Variants in TSPEAR observed in about 807,000 individuals in gnomAD.
TSPEAR encodes thrombospondin-type laminin G domain and EAR repeat-containing protein.
Under a neutral mutation model 71.6 loss-of-function variants are expected in TSPEAR, and 69 were observed. The observed-to-expected ratio is 0.96, with a 90% CI of 0.79 to 1.18. TSPEAR has a LOEUF of 1.18. TSPEAR is among the 50% of genes most tolerant of loss of function. The probability of loss-of-function intolerance (pLI) is 0.00; values close to 1 mark genes in which losing one functional copy is unlikely to be tolerated. For synonymous variants in TSPEAR, 402 were observed against 387.2 expected (o/e 1.04, Z -0.45); for missense variants, 971 against 894.9 (o/e 1.09, Z -1.09).
chr21:44,584,054 C>A (rs782415969), intron 1 of TSPEAR, among the ~76,000 whole-genome samples: 4 of 152,142 alleles, frequency 2.6e-5, no homozygotes, highest in Non-Finnish European at 5.9e-5. Flanking sequence ...TATTAATAAT[C>A]GCTGAAAGGA....
At chr21:44,568,329 G>C (rs587637046) in intron 1 of TSPEAR, among the ~76,000 whole-genome samples, 1 of 152,196 alleles carries the variant, frequency 6.6e-6, no homozygotes, top group African/African-American at 2.4e-5. Context: ...TGTGCGGGAC[G>C]AAGGAAGGAA....
chr21:44,597,493 T>G (rs1230693742), intron 1 of TSPEAR, among the ~76,000 whole-genome samples: 1 of 150,676 alleles, frequency 6.6e-6, no homozygotes, highest in Non-Finnish European at 1.5e-5. Context: ...AGGGCAGTGG[T>G]GCGATCTCGG....
chr21:44,516,929 C>G (rs1555913519), intron 9 of TSPEAR, among the ~76,000 whole-genome samples: 1 of 152,208 alleles, frequency 6.6e-6, no homozygotes, highest in African/African-American at 2.4e-5. Context: ...GCTCCCAGCT[C>G]TCCCATCTTC....
chr21:44,603,646 G>C (rs1292039841), intron 1 of TSPEAR, among the ~76,000 whole-genome samples: 5 of 152,168 alleles, frequency 3.3e-5, no homozygotes, highest in African/African-American at 1.2e-4. Flanking sequence ...AGAACCTCCT[G>C]CAAGAGGAAG....
At chr21:44,707,093 T>G (rs1418032203) in intron 1 of TSPEAR, among the ~76,000 whole-genome samples, 1 of 152,150 alleles carries the variant, frequency 6.6e-6, no homozygotes, top group African/African-American at 2.4e-5. Context: ...TCGCCTCCAT[T>G]TATCAGTTGT....
At chr21:44,706,882 C>T (rs1484951650) in intron 1 of TSPEAR, among the ~76,000 whole-genome samples, 6 of 152,342 alleles carry the variant, frequency 3.9e-5, no homozygotes, top group African/African-American at 1.4e-4. Flanking sequence ...GGGCCAAAGC[C>T]AACCCCAAGC....
intron 9 of TSPEAR, among the ~76,000 whole-genome samples, chr21:44,512,264 C>T (rs1177685648): frequency 7.2e-6 from 1 of 138,350 alleles, no homozygotes; most frequent in Non-Finnish European, 1.5e-5. Flanking sequence ...ACGAGGAGGT[C>T]AGATGTATGT....
chr21:44,616,055 C>T (rs1429083681), intron 1 of TSPEAR, among the ~76,000 whole-genome samples: 4 of 152,182 alleles, frequency 2.6e-5, no homozygotes, highest in South Asian at 2.1e-4. Flanking sequence ...ACCACCCCAT[C>T]GGCACAGACA....
chr21:44,676,859 G>T, intron 1 of TSPEAR: 1 of 946,300 alleles, frequency 1.1e-6, no homozygotes, highest in Non-Finnish European at 1.7e-6. Flanking sequence ...GTGATGTGCT[G>T]CTTTTCTGTG....
chr21:44,658,851 G>C (rs1555943125), intron 1 of TSPEAR, among the ~76,000 whole-genome samples: 1 of 152,140 alleles, frequency 6.6e-6, no homozygotes, highest in African/African-American at 2.4e-5. Flanking sequence ...TCCAGATGGA[G>C]CGTGTTGGGG....
chr21:44,558,632 C>G (rs781969553), intron 2 of TSPEAR: 2 of 1,612,868 alleles, frequency 1.2e-6, no homozygotes, highest in Non-Finnish European at 1.7e-6. Context: ...AGCAGGGGGG[C>G]TCACAGCAGC....
chr21:44,532,833 G>A (rs1203089108), intron 3 of TSPEAR, among the ~76,000 whole-genome samples: 1 of 152,188 alleles, frequency 6.6e-6, no homozygotes, highest in Non-Finnish European at 1.5e-5. Context: ...GCTTCCAAAA[G>A]CCCCCATTGT....
intron 1 of TSPEAR, among the ~76,000 whole-genome samples, chr21:44,707,540 G>T (rs535047984): frequency 6.6e-5 from 10 of 152,290 alleles, no homozygotes; most frequent in African/African-American, 2.2e-4. Context: ...GAGTGTGTGG[G>T]GCTCAGCCCT....
chr21:44,710,199 A>ACAAGCTGACTTGGCTCT lies in TSPEAR; in HGVS notation c.82+1217_82+1233dup, dbSNP rs1257410453. On this transcript the variant is annotated intron_variant, in intron 1 of 11. Coordinates refer to ENST00000323084, the MANE Select transcript of TSPEAR (RefSeq NM_144991.3). This position sits in a 1 kb window ranked among gnomAD's most constrained non-coding sequence, Gnocchi z 4.6. Reference sequence around the variant, plus strand: ...TGAAGCCAGGGGATTTTGCTCTGCGACAAGCTGACTTGGCTCTCGTATTGT... The same window carrying ACAAGCTGACTTGGCTCT: ...TGAAGCCAGGGGATTTTGCTCTGCGACAAGCTGACTTGGCTCTCAAGCTGACTTGGCTCTCGTATTGT... 6.6e-6 allele frequency among the ~76,000 whole-genome samples: 1 copy of ACAAGCTGACTTGGCTCT among 152,168 alleles called. No individual in the cohort carries two copies. Among genetic ancestry groups the ACAAGCTGACTTGGCTCT allele is most frequent in the Admixed American group, 6.5e-5 (1 of 15,280 alleles).
At chr21:44,602,621 G>A (rs587621689) in intron 1 of TSPEAR, among the ~76,000 whole-genome samples, 13 of 152,342 alleles carry the variant, frequency 8.5e-5, no homozygotes, top group African/African-American at 2.6e-4. Flanking sequence ...GGTTTAGGCC[G>A]AACACCCACA....
At chr21:44,638,964 C>T (rs1389580749) in intron 1 of TSPEAR, among the ~76,000 whole-genome samples, 1 of 152,020 alleles carries the variant, frequency 6.6e-6, no homozygotes, top group Non-Finnish European at 1.5e-5. Flanking sequence ...CACAGTAAGA[C>T]ATTGGGACCA....
Position 44,499,906 on chromosome 21 carries a change from C to T in TSPEAR, c.1887G>A (p.Val629=). 2 of 1,607,620 alleles carry T rather than the reference C, an allele frequency of 1.2e-6. No homozygotes were observed. Among genetic ancestry groups the T allele is most frequent in the Admixed American group, 1.7e-5 (1 of 59,618 alleles). The change falls in exon 12 of 12, where the codon GTG becomes GTA. Residue 629 remains valine (V), a synonymous_variant. Transcript: ENST00000323084. ...TGCAGCCGACGGTGGGGAGGCTGTGCACCGCCACGAAGCCCTCGTAGCCCT... is the reference window on the plus strand; with the variant it reads ...TGCAGCCGACGGTGGGGAGGCTGTGTACCGCCACGAAGCCCTCGTAGCCCT... ...RWQGYEGFVA[V]HSLPTVGCRD...
chr21:44,505,554 A>ACCCCCCCCCCCCCCAACACCC (rs1555911793), intron 10 of TSPEAR, among the ~76,000 whole-genome samples: 1 of 7,032 alleles, frequency 1.4e-4, no homozygotes, highest in Non-Finnish European at 4.1e-4. Context: ...AGTAAACATC[A>ACCCCCCCCCCCCCCAACACCC]CCCCCTCCCC....
chr21:44,511,993 C>T (rs1200335235), intron 9 of TSPEAR, among the ~76,000 whole-genome samples: 1 of 152,190 alleles, frequency 6.6e-6, no homozygotes, highest in African/African-American at 2.4e-5. Flanking sequence ...GGAGGGGCTG[C>T]CCGGGGCCTT....
Sources: gnomAD v4.1 joint callset for allele counts (sites outside exome capture counted in the v4.1 genomes callset) on GRCh38, gnomAD v4.1.1 for gene constraint, Gnocchi (gnomAD v3.1) non-coding constraint, MANE v1.5 for transcripts, NCBI Gene and HGNC (gene_info 2026-07-23, HGNC 2026-07-21) for gene names.